FGFRL1: variants seen among roughly 807,000 people sequenced by gnomAD.
FGFRL1 encodes fibroblast growth factor receptor-like 1.
FGFRL1 carries 24 observed loss-of-function variants against 36.8 expected under a neutral mutation model. The observed-to-expected ratio is 0.65, with a 90% confidence interval of 0.47 to 0.92. The LOEUF (loss-of-function observed/expected upper bound fraction) is 0.92. Ranked by LOEUF, FGFRL1 falls within the 40% of genes least tolerant of loss-of-function variation. The pLI is 0.00. For synonymous variants in FGFRL1, 422 were observed against 344.1 expected, an observed-to-expected ratio of 1.23 and a Z score of -2.50; for missense variants, 785 against 753.4, an observed-to-expected ratio of 1.04 and a Z score of -0.49.
chr4:1,022,078 G>A (rs895805835), intron 2 of FGFRL1, 125 bp from the exon 3 acceptor site: 1 of 707,418 alleles, frequency 1.4e-6, no homozygotes, highest in East Asian at 3.0e-5. Flanking sequence ...GCTCATCTTG[G>A]GCAGGTGACC....
At chr4:1,016,077 A>T (rs1715871917) in intron 2 of FGFRL1, among the ~76,000 whole-genome samples, 1 of 152,150 alleles carries the variant, frequency 6.6e-6, no homozygotes, top group East Asian at 1.9e-4. Flanking sequence ...CCGCCATGTG[A>T]GTGGGAGCAA....
intron 2 of FGFRL1, among the ~76,000 whole-genome samples, chr4:1,019,396 A>G (rs1412193386): frequency 6.6e-6 from 1 of 152,204 alleles, no homozygotes; most frequent in East Asian, 1.9e-4. Flanking sequence ...CAGGAGGCCC[A>G]GGCACCCCTG....
intron 2 of FGFRL1, among the ~76,000 whole-genome samples, chr4:1,020,554 T>TCA (rs969107666): frequency 6.9e-6 from 1 of 145,284 alleles, no homozygotes; most frequent in Non-Finnish European, 1.5e-5. Flanking sequence ...CTGGGGCTGG[T>TCA]CACACACACA....
chr4:1,019,332 A>G (rs1408391115), intron 2 of FGFRL1, among the ~76,000 whole-genome samples: 1 of 152,148 alleles, frequency 6.6e-6, no homozygotes, highest in Non-Finnish European at 1.5e-5. Flanking sequence ...GTGGGTGAAC[A>G]CTTGTGTGCA....
intron 2 of FGFRL1, among the ~76,000 whole-genome samples, chr4:1,016,039 C>G (rs529492197): frequency 6.6e-6 from 1 of 152,306 alleles, no homozygotes; most frequent in African/African-American, 2.4e-5. Flanking sequence ...CCGGTGCCCT[C>G]CTGTCCCCAG....
At position 1,012,526 on chromosome 4, in the gene FGFRL1, T is replaced by A; in HGVS notation, c.41T>A (p.Leu14Gln). ...SPLLLLLLPP[L>Q]LLGAFPPAAA... ...CTGTTGCTGCTCCTGCTGCCGCCGCTGCTGCTGGGGGCCTTCCCGCCGGCC... is the reference window on the plus strand; with the variant it reads ...CTGTTGCTGCTCCTGCTGCCGCCGCAGCTGCTGGGGGCCTTCCCGCCGGCC... Residue 14 changes from leucine (L) to glutamine (Q), a missense_variant, in exon 2 of 7, where the codon CTG (leucine) becomes CAG (glutamine). Leu to Gln is a moderately radical substitution (Grantham distance 113, BLOSUM62 -2). Coordinates refer to ENST00000510644, the MANE Select transcript of FGFRL1 (RefSeq NM_001004356.3). 1.3e-6 allele frequency: 2 copies of A among 1,541,138 alleles called. No homozygotes were observed. The highest frequency in any genetic ancestry group is 1.7e-6 in the Non-Finnish European group (2 of 1,148,090).
Position 1,025,473 on chromosome 4 carries a change from G to A in FGFRL1, c.*126G>A. ...GGAGGAATGGCCAGCACCCCAGGCA[G>A]TCTGTGTGTGAGGCATAGCCCCTGG... On this transcript the variant is annotated 3_prime_UTR_variant, in exon 7 of 7. Transcript: ENST00000510644. The A allele has an allele frequency of 5.9e-6, 7 of 1,190,216 alleles. No individual in the cohort carries two copies. Among genetic ancestry groups the A allele is most frequent in the Non-Finnish European group, 8.2e-6 (7 of 852,630 alleles). 73.7% of individuals were successfully genotyped at this position (1,190,216 alleles called of 1,614,324 possible).
Position 1,025,157 on chromosome 4 carries a change from C to A in FGFRL1, c.1325C>A (p.Pro442His). ...LPSLAALSAGPGVGLCEEHGS... is the reference protein window; with the variant it reads ...LPSLAALSAGHGVGLCEEHGS... ...TCGTTGGCCGCCCTCAGCGCTGGCC[C>A]TGGTGTGGGGCTGTGTGAGGAGCAT... is the stretch of plus-strand genomic sequence containing the variant. Residue 442 changes from proline (P) to histidine (H), a missense_variant, in exon 7 of 7, where the codon CCT becomes CAT. Coordinates refer to ENST00000510644, the MANE Select transcript of FGFRL1 (RefSeq NM_001004356.3). 6.2e-7 allele frequency: 1 copy of A among 1,610,772 alleles called. No individual in the cohort carries two copies. The highest frequency in any genetic ancestry group is 1.1e-5 in the South Asian group (1 of 90,728).
chr4:1,015,097 G>C (rs920776299), intron 2 of FGFRL1, among the ~76,000 whole-genome samples: 2 of 152,198 alleles, frequency 1.3e-5, no homozygotes, highest in Admixed American at 6.5e-5. Flanking sequence ...CAGGAACTGC[G>C]GCCGTGCTGG....
At position 1,026,811 on chromosome 4, in the gene FGFRL1, G is replaced by T. The variant is rs1262554852; in HGVS notation, c.*1464G>T. 2.2e-6 allele frequency: 1 copy of T among 455,378 alleles called. No homozygotes were observed. The highest frequency in any genetic ancestry group is 1.6e-5 in the South Asian group (1 of 64,306). 28.2% of individuals were successfully genotyped at this position (455,378 alleles called of 1,614,324 possible). On this transcript the variant is annotated 3_prime_UTR_variant, in exon 7 of 7. Coordinates refer to ENST00000510644, the MANE Select transcript of FGFRL1 (RefSeq NM_001004356.3). ...CCACCCCACTGTCGTGGTGGCCCCA[G>T]ATCTCTGTAATTTTATGTAGAGTTT...
intron 2 of FGFRL1, among the ~76,000 whole-genome samples, chr4:1,014,782 C>T (rs1323946840): frequency 1.3e-5 from 2 of 152,318 alleles, no homozygotes; most frequent in East Asian, 3.9e-4. Flanking sequence ...CTGGGCCCAG[C>T]CCCTGCAAGG....
At chr4:1,024,256 C>A in intron 5 of FGFRL1, 55 bp from the exon 6 acceptor site, 1 of 1,523,810 alleles carries the variant, frequency 6.6e-7, no homozygotes, top group Non-Finnish European at 8.8e-7. Context: ...AGGGTGCTGG[C>A]GGGGTAGAGT....
rs368027099 is a variant in FGFRL1, at chr4:1,012,475, G to C, written c.-11G>C. On this transcript the variant is annotated 5_prime_UTR_variant, in exon 2 of 7. Transcript: ENST00000510644. Reference sequence around the variant, plus strand: ...GGCGCCCCCAATGTCCCCAGGTCCGGACAGGCCGAGATGACGCCGAGCCCC... The same window carrying C: ...GGCGCCCCCAATGTCCCCAGGTCCGCACAGGCCGAGATGACGCCGAGCCCC... 2 of 1,576,082 alleles carry C rather than the reference G, an allele frequency of 1.3e-6. No homozygotes were observed. The highest frequency in any genetic ancestry group is 2.8e-5 in the African/African-American group (2 of 71,366).
rs567024820 is a variant in FGFRL1 at position 1,026,229 on chromosome 4, G to A, written c.*882G>A. On this transcript the variant is annotated 3_prime_UTR_variant, in exon 7 of 7. Coordinates refer to ENST00000510644, the MANE Select transcript of FGFRL1 (RefSeq NM_001004356.3). ...ATATGCTGTCCGGATACACACGCAC[G>A]CACACATGCAGATATGCTGCCTGGG... 5.9e-4 allele frequency: 91 copies of A among 153,358 alleles called. No homozygotes were observed. The highest frequency in any genetic ancestry group is 1.6e-3 in the African/African-American group (66 of 40,446). 9.5% of individuals were successfully genotyped at this position (153,358 alleles called of 1,614,324 possible). A position where few individuals can be genotyped will look rare whatever the true frequency, so the allele number is the denominator to read the frequency against.
At chr4:1,021,489 C>A (rs1716176985) in intron 2 of FGFRL1, among the ~76,000 whole-genome samples, 1 of 152,094 alleles carries the variant, frequency 6.6e-6, no homozygotes, top group African/African-American at 2.4e-5. Context: ...GGCTAAGGTG[C>A]CTGGCAGGGT....
rs773213801 is a variant in FGFRL1, at chr4:1,024,063, C to T, written c.680C>T (p.Ala227Val). ...GKYTCRVSNR[A>V]GAINATYKVD... ...TACACCTGCCGCGTGTCGAACCGCG[C>T]GGGCGCCATCAACGCCACCTACAAG... is the stretch of plus-strand genomic sequence containing the variant. Residue 227 changes from alanine (A) to valine (V), a missense_variant, in exon 5 of 7, where the codon GCG becomes GTG. Coordinates refer to ENST00000510644, the MANE Select transcript of FGFRL1 (RefSeq NM_001004356.3). 2.4e-5 allele frequency: 38 copies of T among 1,600,992 alleles called. No individual in the cohort carries two copies. The highest frequency in any genetic ancestry group is 1.4e-4 in the South Asian group (13 of 90,280).
rs56398186 is a variant in FGFRL1, at chr4:1,025,866, GACACACAC to G, written c.*528_*535del. 6.1e-6 allele frequency: 1 copy of G among 165,080 alleles called. No individual in the cohort carries two copies. Among genetic ancestry groups the G allele is most frequent in the Non-Finnish European group, 1.3e-5 (1 of 78,080 alleles). The allele number at this position is 165,080 out of a possible 1,614,324, so 10.2% of individuals were successfully genotyped here. A position where few individuals can be genotyped will look rare whatever the true frequency, so the allele number is the denominator to read the frequency against. On this transcript the variant is annotated 3_prime_UTR_variant, in exon 7 of 7. Transcript: ENST00000510644. ...CACACACATGCACGGATATTGCCTG[GACACACAC>G]ACACACACGTGTGCACAGATATGCT...
chr4:1,011,332 A>G (rs1202747664), upstream of FGFRL1: 3 of 142,630 alleles, frequency 2.1e-5, no homozygotes, highest in Admixed American at 7.0e-5. Context: ...GGCCGGTCCT[A>G]GGAGCCTGCG....
rs1212728784 is a variant in FGFRL1 at position 1,024,304 on chromosome 4, C to T, written c.719-7C>T. 8 of 1,583,814 alleles carry T rather than the reference C, an allele frequency of 5.1e-6. No individual in the cohort carries two copies. The highest frequency in any genetic ancestry group is 1.7e-4 in the Middle Eastern group (1 of 5,924). ...AGGAGCCATGCCCGCGTGCCACGTT[C>T]CCACAGAGCGGACCCGTTCCAAGCC... On this transcript the variant is annotated splice_region_variant and splice_polypyrimidine_tract_variant and intron_variant, in intron 5 of 6. Transcript: ENST00000510644.
Sources: allele counts gnomAD v4.1 joint callset (sites outside exome capture counted in the v4.1 genomes callset), GRCh38; gene constraint gnomAD v4.1.1; transcripts MANE v1.5; gene names NCBI Gene and HGNC (gene_info 2026-07-23, HGNC 2026-07-21).